Variants in IHO1 observed in about 807,000 individuals in gnomAD.
IHO1 encodes interactor of HORMAD1 1.
IHO1 carries 13 observed loss-of-function variants against 31.0 expected under a neutral mutation model. The ratio of observed to expected loss-of-function variants is 0.42; its 90% confidence interval spans 0.27 to 0.67. The LOEUF (loss-of-function observed/expected upper bound fraction) is 0.67, where lower values mean the gene tolerates loss of function less well. Among genes scored for constraint, IHO1 ranks in the 30% least tolerant of loss-of-function variants. The pLI is 0.24. For missense variants in IHO1, 599 were observed against 687.5 expected, an observed-to-expected ratio of 0.87 and a Z score of 1.44; for synonymous variants, 221 against 248.4, an observed-to-expected ratio of 0.89 and a Z score of 1.04.
At chr3:49,201,024 C>T (rs1249169120) in intron 1 of IHO1, among the ~76,000 whole-genome samples, 23 of 150,472 alleles carry the variant, frequency 1.5e-4, no homozygotes, top group Admixed American at 7.9e-4. Flanking sequence ...GACGGAGTCT[C>T]GCTTTGTTGC....
intron 1 of IHO1, among the ~76,000 whole-genome samples, chr3:49,211,208 C>T (rs2107686278): frequency 6.7e-6 from 1 of 148,918 alleles, no homozygotes; most frequent in African/African-American, 2.4e-5. Flanking sequence ...CGGGGTTTCA[C>T]CCTGTTAGCC....
intron 1 of IHO1, among the ~76,000 whole-genome samples, chr3:49,205,464 G>A (rs1361576364): frequency 2.0e-5 from 3 of 151,436 alleles, no homozygotes; most frequent in Non-Finnish European, 4.4e-5. Flanking sequence ...GATTACAGGC[G>A]CGTACCAACA....
rs765298486 is a variant in IHO1, at chr3:49,256,420, C to T, written c.923C>T (p.Pro308Leu). 1 of 1,614,160 alleles carries T rather than the reference C, an allele frequency of 6.2e-7. No individual in the cohort carries two copies. Among genetic ancestry groups the T allele is most frequent in the South Asian group, 1.1e-5 (1 of 91,078 alleles). ...CAGGCCCTCCCTGCTGCATGGAATC[C>T]TGGTATGGGCTCCCTACAGCCTGGA... ...QAQALPAAWN[P>L]GMGSLQPGEF... The change falls in exon 8 of 8, where the codon CCT becomes CTT. Residue 308 changes from proline (P) to leucine (L), a missense_variant. Coordinates refer to ENST00000452691, the MANE Select transcript of IHO1 (RefSeq NM_001135197.2). The surrounding 1 kb of genome is among the most constrained non-coding windows in gnomAD (Gnocchi z 4.6).
At chr3:49,199,297 G>C (rs2046023121), upstream of IHO1, among the ~76,000 whole-genome samples, 1 of 152,238 alleles carries the variant, frequency 6.6e-6, no homozygotes, top group African/African-American at 2.4e-5. Flanking sequence ...ACCGTTAGCT[G>C]CCTGTCGCGG....
chr3:49,200,570 C>T, intron 1 of IHO1: 1 of 978,080 alleles, frequency 1.0e-6, no homozygotes, highest in South Asian at 4.7e-5. Flanking sequence ...ATGAGGTAGT[C>T]CATGCCAATC....
chr3:49,206,299 T>C (rs2046135988), intron 1 of IHO1, among the ~76,000 whole-genome samples: 1 of 151,436 alleles, frequency 6.6e-6, no homozygotes, highest in African/African-American at 2.4e-5. Flanking sequence ...GATTTCACCA[T>C]ATTGGTGAGG....
intron 2 of IHO1, among the ~76,000 whole-genome samples, chr3:49,228,598 C>A (rs2046444052): frequency 6.6e-6 from 1 of 152,172 alleles, no homozygotes; most frequent in Admixed American, 6.5e-5. Flanking sequence ...AGGAATGAAG[C>A]TGTGGACCTT....
At chr3:49,218,543 G>A (rs1232477663) in intron 2 of IHO1, among the ~76,000 whole-genome samples, 1 of 151,692 alleles carries the variant, frequency 6.6e-6, no homozygotes, top group East Asian at 1.9e-4. Flanking sequence ...CACCACACCC[G>A]GCTAATTTTT....
At chr3:49,231,960 T>C (rs899010238) in intron 2 of IHO1, among the ~76,000 whole-genome samples, 1 of 152,228 alleles carries the variant, frequency 6.6e-6, no homozygotes, top group African/African-American at 2.4e-5. Context: ...CAAATGGATG[T>C]CACACATGTT....
rs1248351090 is a variant in IHO1, at chr3:49,256,459, G to A, written c.962G>A (p.Trp321Ter). 8.1e-6 allele frequency: 13 copies of A among 1,614,056 alleles called. No individual in the cohort carries two copies. The highest frequency in any genetic ancestry group is 1.1e-5 in the Non-Finnish European group (13 of 1,180,050). ...GSLQPGEFDVWGEGAKNDDLQ... is the reference protein window; with the variant it reads ...GSLQPGEFDV Reference sequence around the variant, plus strand: ...CTACAGCCTGGAGAATTTGATGTCTGGGGTGAAGGAGCAAAGAATGATGAT... The same window carrying A: ...CTACAGCCTGGAGAATTTGATGTCTAGGGTGAAGGAGCAAAGAATGATGAT... The change falls in exon 8 of 8, where the codon TGG becomes TAG. Residue 321 changes from tryptophan to a stop codon, truncating the protein, a stop_gained. Transcript: ENST00000452691. LOFTEE classifies it low-confidence loss of function (END_TRUNC). The surrounding 1 kb of genome is among the most constrained non-coding windows in gnomAD (Gnocchi z 4.6).
intron 3 of IHO1, 119 bp from the exon 4 acceptor site, chr3:49,241,107 C>A: frequency 1.7e-6 from 1 of 582,500 alleles, no homozygotes; most frequent in Non-Finnish European, 2.8e-6. Context: ...ATACTACTTG[C>A]TATGTTACGT....
intron 1 of IHO1, among the ~76,000 whole-genome samples, chr3:49,203,264 G>A (rs2046093312): frequency 6.6e-6 from 1 of 152,132 alleles, no homozygotes; most frequent in Non-Finnish European, 1.5e-5. Context: ...GGTGCAGCAC[G>A]CAAAAGCGAC....
Position 49,255,483 on chromosome 3 carries a change from G to C in IHO1, c.626G>C (p.Arg209Thr). 2 of 1,589,108 alleles carry C rather than the reference G, an allele frequency of 1.3e-6. No homozygotes were observed. The highest frequency in any genetic ancestry group is 1.7e-6 in the Non-Finnish European group (2 of 1,169,140). The stretch of plus-strand genomic sequence containing the variant: ...CAGGCCATCCTTGAGATGAAGAAAA[G>C]ATTTGAAGCTGTAAGTGTAAACCCC... The part of the protein sequence containing the change: ...MEQAILEMKK[R>T]FEARQGEFIE... Residue 209 changes from arginine to threonine, a missense_variant, in exon 7 of 8, where the codon AGA becomes ACA. Physicochemically the swap from Arg to Thr is moderately conservative, Grantham distance 71. Transcript: ENST00000452691.
intron 6 of IHO1, among the ~76,000 whole-genome samples, chr3:49,247,561 G>T (rs2046709942): frequency 6.6e-6 from 1 of 151,544 alleles, no homozygotes; most frequent in African/African-American, 2.4e-5. Context: ...GGCCAAGGTG[G>T]GTGGATTGCT....
intron 4 of IHO1, among the ~76,000 whole-genome samples, chr3:49,242,241 C>G (rs1422695695): frequency 6.6e-6 from 1 of 152,166 alleles, no homozygotes; most frequent in South Asian, 2.1e-4. Context: ...CCGCAGTCTT[C>G]CCACCTTAGC....
At chr3:49,219,572 T>C (rs1418900949) in intron 2 of IHO1, among the ~76,000 whole-genome samples, 1 of 152,176 alleles carries the variant, frequency 6.6e-6, no homozygotes, top group Non-Finnish European at 1.5e-5. Flanking sequence ...CTTTCCACAC[T>C]CTATATTTCT....
At chr3:49,231,528 A>G (rs571816587) in intron 2 of IHO1, among the ~76,000 whole-genome samples, 154 of 152,316 alleles carry the variant, frequency 1.0e-3, no homozygotes, top group Admixed American at 1.6e-3. Flanking sequence ...ACTGTTTTTG[A>G]TATGCCTATT....
At chr3:49,231,460 T>C (rs536046107) in intron 2 of IHO1, among the ~76,000 whole-genome samples, 2 of 152,348 alleles carry the variant, frequency 1.3e-5, no homozygotes, top group South Asian at 4.1e-4. Flanking sequence ...GTAAAGTTTT[T>C]CAGATGCCTT....
chr3:49,245,809 A>G (rs2046686610), intron 6 of IHO1: 1 of 152,174 alleles, frequency 6.6e-6, no homozygotes, highest in African/African-American at 2.4e-5. Flanking sequence ...TTAATCCCCA[A>G]CTGTCTGCAT....
Sources: gnomAD v4.1 joint callset for allele counts (sites outside exome capture counted in the v4.1 genomes callset) on GRCh38, gnomAD v4.1.1 for gene constraint, Gnocchi (gnomAD v3.1) non-coding constraint, MANE v1.5 for transcripts, NCBI Gene and HGNC (gene_info 2026-07-23, HGNC 2026-07-21) for gene names.